The following BICD1 variants were observed in gnomAD, a reference collection of about 807,000 sequenced individuals.
BICD1 encodes BICD cargo adaptor 1, also known as protein bicaudal D homolog 1.
BICD1 carries 35 observed loss-of-function variants against 92.5 expected under a neutral mutation model. The ratio of observed to expected loss-of-function variants is 0.38; its 90% CI spans 0.29 to 0.50. The LOEUF (loss-of-function observed/expected upper bound fraction) is 0.50. Ranked by LOEUF, BICD1 falls within the 20% of genes least tolerant of loss-of-function variation. The pLI, the probability that BICD1 is intolerant of heterozygous loss-of-function variation, is 0.93. For synonymous variants in BICD1, 429 were observed against 465.1 expected (o/e 0.92, Z 1.00); for missense variants, 950 against 1,189.8 (o/e 0.80, Z 2.97).
chr12:32,209,117 A>G (rs977318135), intron 1 of BICD1, among the ~76,000 whole-genome samples: 2 of 152,156 alleles, frequency 1.3e-5, no homozygotes, highest in African/African-American at 4.8e-5. Context: ...CACCGCGCCC[A>G]GTCTGGGCTC....
At chr12:32,235,185 G>A (rs1431556765) in intron 2 of BICD1, among the ~76,000 whole-genome samples, 2 of 152,196 alleles carry the variant, frequency 1.3e-5, no homozygotes, top group Admixed American at 6.5e-5. Flanking sequence ...TTACAGGAGA[G>A]TGTGTCTGTC....
chr12:32,185,479 G>A (rs1236332211), intron 1 of BICD1, among the ~76,000 whole-genome samples: 1 of 152,202 alleles, frequency 6.6e-6, no homozygotes, highest in Non-Finnish European at 1.5e-5. Flanking sequence ...GTCATTCTGA[G>A]ATATGGGCTG....
intron 2 of BICD1, among the ~76,000 whole-genome samples, chr12:32,260,082 G>A (rs1272400204): frequency 4.0e-5 from 6 of 151,212 alleles, no homozygotes; most frequent in Admixed American, 6.6e-5. Flanking sequence ...GCACCACCAC[G>A]CCCAGCTAAT....
At chr12:32,235,209 G>A (rs1296854089) in intron 2 of BICD1, among the ~76,000 whole-genome samples, 1 of 152,174 alleles carries the variant, frequency 6.6e-6, no homozygotes, top group Non-Finnish European at 1.5e-5. Flanking sequence ...GAATGGGGTA[G>A]AGGTTGGTTT....
chr12:32,348,878 G>A (rs577953204), intron 8 of BICD1, among the ~76,000 whole-genome samples: 1 of 151,560 alleles, frequency 6.6e-6, no homozygotes, highest in South Asian at 2.1e-4. Flanking sequence ...CCTCCACCCA[G>A]TAACAACAAA....
chr12:32,171,606 T>C (rs970111537), intron 1 of BICD1, among the ~76,000 whole-genome samples: 3 of 152,104 alleles, frequency 2.0e-5, no homozygotes, highest in African/African-American at 7.2e-5. Context: ...TGAGTGCTTT[T>C]CTTTGTTGGT....
At chr12:32,229,176 G>A (rs371673203) in intron 2 of BICD1, among the ~76,000 whole-genome samples, 5 of 152,130 alleles carry the variant, frequency 3.3e-5, no homozygotes, top group African/African-American at 1.2e-4. Context: ...GCTTGAACCC[G>A]GGAGGTGGAG....
At chr12:32,108,408 C>G (rs908936154) in intron 1 of BICD1, 2 of 319,284 alleles carry the variant, frequency 6.3e-6, no homozygotes, top group African/African-American at 4.3e-5. Context: ...AATGAACGTG[C>G]TTTGATTTCC....
intron 2 of BICD1, among the ~76,000 whole-genome samples, chr12:32,249,539 C>T (rs1301376234): frequency 2.0e-5 from 3 of 152,042 alleles, no homozygotes; most frequent in African/African-American, 7.2e-5. Context: ...ATCATTATGG[C>T]TGTAAGGGGA....
rs58895470 is a variant in BICD1 at position 32,225,621 on chromosome 12, G to GTTTTTTTTTTTTTTTTTTTTTT, written c.426+9182_426+9183insTTTTTTTTTTTTTTTTTTTTTT. Among the ~76,000 whole-genome samples the GTTTTTTTTTTTTTTTTTTTTTT allele has an allele frequency of 5.4e-5, 5 of 92,776 alleles. 1 individual carries two copies. Among genetic ancestry groups the GTTTTTTTTTTTTTTTTTTTTTT allele is most frequent in the Admixed American group, 2.8e-4 (2 of 7,184 alleles). 60.9% of individuals were successfully genotyped at this position (92,776 alleles called of 152,430 possible). A position where few individuals can be genotyped will look rare whatever the true frequency, so the allele number is the denominator to read the frequency against. ...TGGTATTTGACAGTTCTTTTTTTCT[G>GTTTTTTTTTTTTTTTTTTTTTT]TTTTTTTTTTTTTTTTTTTTAGACG... On this transcript the variant is annotated intron_variant, in intron 2 of 9. Transcript: ENST00000652176.
At position 32,378,401 on chromosome 12, in the gene BICD1, CTT is replaced by C. The variant is rs1238404493; in HGVS notation, c.*775_*776del. ...AAGAGACTAAGTTATGATTTATTGACTTATTCAAGTTTTGATGGCATCTTTAC... is the reference window on the plus strand; with the variant it reads ...AAGAGACTAAGTTATGATTTATTGACATTCAAGTTTTGATGGCATCTTTAC... On this transcript the variant is annotated 3_prime_UTR_variant, in exon 10 of 10. Transcript: ENST00000652176. 6.6e-6 allele frequency: 1 copy of C among 152,168 alleles called. No individual in the cohort carries two copies. The highest frequency in any genetic ancestry group is 1.5e-5 in the Non-Finnish European group (1 of 68,034). 9.4% of individuals were successfully genotyped at this position (152,168 alleles called of 1,614,324 possible). A position where few individuals can be genotyped will look rare whatever the true frequency, so the allele number is the denominator to read the frequency against.
intron 3 of BICD1, among the ~76,000 whole-genome samples, chr12:32,300,522 C>G (rs1948008096): frequency 6.6e-6 from 1 of 151,520 alleles, no homozygotes; most frequent in Non-Finnish European, 1.5e-5. Context: ...ATCACATAAT[C>G]TGGGGCAGTC....
chr12:32,306,094 T>A lies in BICD1; in HGVS notation c.977T>A (p.Ile326Lys). ...DLFSELNISE[I>K]QKLKQQLMQV... Reference sequence around the variant, plus strand: ...TTCAGTGAGCTGAACATTTCAGAAATACAGAAGTTGAAGCAGCAGCTTATG... The same window carrying A: ...TTCAGTGAGCTGAACATTTCAGAAAAACAGAAGTTGAAGCAGCAGCTTATG... The change falls in exon 4 of 10, where the codon ATA becomes AAA. Residue 326 changes from isoleucine (I) to lysine (K), a missense_variant. By Grantham distance (102) the Ile-to-Lys change is moderately radical. Around this residue, in one of 5 missense-constraint regions of BICD1, gnomAD observed 246 missense variants for 258.4 expected, o/e 0.95. Transcript: ENST00000652176. 6.2e-7 allele frequency: 1 copy of A among 1,605,326 alleles called. No individual in the cohort carries two copies. Among genetic ancestry groups the A allele is most frequent in the Non-Finnish European group, 8.5e-7 (1 of 1,177,118 alleles).
At chr12:32,250,594 T>G (rs1946499104) in intron 2 of BICD1, among the ~76,000 whole-genome samples, 1 of 152,214 alleles carries the variant, frequency 6.6e-6, no homozygotes, top group Non-Finnish European at 1.5e-5. Flanking sequence ...TTTTTGCCTC[T>G]CATTAGGTAT....
At chr12:32,292,779 A>G (rs1257487306) in intron 2 of BICD1, among the ~76,000 whole-genome samples, 7 of 152,088 alleles carry the variant, frequency 4.6e-5, no homozygotes, top group Admixed American at 4.6e-4. Flanking sequence ...TTGTTTGAAT[A>G]GGAAACAAAT....
chr12:32,117,897 T>G (rs2121200612), intron 1 of BICD1, among the ~76,000 whole-genome samples: 2 of 150,126 alleles, frequency 1.3e-5, no homozygotes, highest in African/African-American at 4.9e-5. Flanking sequence ...ATTACAGGCA[T>G]GCACCACCAT....
In BICD1 at chr12:32,365,877, G is replaced by A. The variant is rs191991173; in HGVS notation, c.2765-1793G>A. On this transcript the variant is annotated intron_variant, in intron 8 of 9. Transcript: ENST00000652176. ...ATCAATGCTGCAAAATGGGAAAACG[G>A]AGTTAAAAAAGGAATTTCCTCAATC... Among the ~76,000 whole-genome samples the A allele has an allele frequency of 5.3e-5, 8 of 152,244 alleles. No individual in the cohort carries two copies. In the East Asian group the frequency reaches 1.3e-3, roughly 26 times the overall value.
At chr12:32,162,670 G>A (rs1006042144) in intron 1 of BICD1, among the ~76,000 whole-genome samples, 28 of 152,250 alleles carry the variant, frequency 1.8e-4, no homozygotes, top group South Asian at 2.1e-4. Context: ...GGCAGGAAAC[G>A]GAGATTCTTT....
chr12:32,353,787 T>C (rs1938989053), intron 8 of BICD1: 1 of 152,234 alleles, frequency 6.6e-6, no homozygotes, highest in South Asian at 2.1e-4. Flanking sequence ...TCATTAGATA[T>C]GTGCTGTTAT....
Sources: gnomAD v4.1 joint callset for allele counts (sites outside exome capture counted in the v4.1 genomes callset) on GRCh38, gnomAD v4.1.1 for gene constraint, gnomAD v4.1.1 regional missense constraint, MANE v1.5 for transcripts, NCBI Gene and HGNC (gene_info 2026-07-23, HGNC 2026-07-21) for gene names.